Variants in POT1 observed in about 807,000 individuals in gnomAD.
POT1 encodes the protein protection of telomeres 1, also known as protection of telomeres protein 1.
POT1 carries 47 observed loss-of-function variants against 78.5 expected under a neutral mutation model. The observed-to-expected ratio is 0.60, with a 90% CI of 0.47 to 0.76. POT1 has a LOEUF of 0.76. POT1 is among the 30% of genes least tolerant of loss of function. The pLI is 0.00. For synonymous variants in POT1, 259 were observed against 260.7 expected (o/e 0.99, Z 0.06); for missense variants, 646 against 749.9 (o/e 0.86, Z 1.62).
chr7:124,835,843 G>A (rs1164436264), intron 14 of POT1, among the ~76,000 whole-genome samples: 2 of 152,116 alleles, frequency 1.3e-5, no homozygotes, highest in Non-Finnish European at 2.9e-5. Context: ...ATATAGATAT[G>A]AGTAGTTCAT....
At chr7:124,924,012 T>C (rs1363271066) in intron 2 of POT1, among the ~76,000 whole-genome samples, 1 of 151,120 alleles carries the variant, frequency 6.6e-6, no homozygotes, top group Non-Finnish European at 1.5e-5. Flanking sequence ...CGGGACTCAG[T>C]AGTGAAAAAA....
At chr7:124,922,033 G>A (rs1797162892) in intron 2 of POT1, among the ~76,000 whole-genome samples, 1 of 151,714 alleles carries the variant, frequency 6.6e-6, no homozygotes, top group African/African-American at 2.4e-5. Flanking sequence ...AAAACAGAAA[G>A]GTGGCAGGAA....
chr7:124,914,236 G>A (rs569156320), intron 3 of POT1, among the ~76,000 whole-genome samples: 36 of 151,684 alleles, frequency 2.4e-4, no homozygotes, highest in Admixed American at 5.3e-4. Flanking sequence ...TTTGATTACT[G>A]TAGCTCTGTG....
chr7:124,835,835 A>G (rs565823660), intron 14 of POT1, among the ~76,000 whole-genome samples: 1 of 152,354 alleles, frequency 6.6e-6, no homozygotes, highest in East Asian at 1.9e-4. Flanking sequence ...TCATTTAAAT[A>G]TAGATATGAG....
intron 2 of POT1, among the ~76,000 whole-genome samples, chr7:124,919,670 C>CGA (rs1797100554): frequency 1.3e-5 from 2 of 152,210 alleles, no homozygotes; most frequent in East Asian, 3.9e-4. Context: ...CATCTGCAAG[C>CGA]CAAGGAGAGA....
intron 3 of POT1, among the ~76,000 whole-genome samples, chr7:124,911,994 T>C (rs908267247): frequency 6.6e-6 from 1 of 152,136 alleles, no homozygotes; most frequent in Non-Finnish European, 1.5e-5. Context: ...CATTCAATGT[T>C]ACTCAAGGGC....
chr7:124,832,343 T>C (rs1794787177), intron 15 of POT1, among the ~76,000 whole-genome samples: 1 of 152,102 alleles, frequency 6.6e-6, no homozygotes, highest in Non-Finnish European at 1.5e-5. Flanking sequence ...GTTGTGATGT[T>C]ACTTTTTTAA....
chr7:124,853,174 G>GA lies in POT1; in HGVS notation c.703-37dup, dbSNP rs748944165. ...GATCATTTGTTATTTAGAAAGTGGG[G>GA]AAAAATTAAAATACTTCTGATATTT... On this transcript the variant is annotated intron_variant, in intron 9 of 18. Transcript: ENST00000357628. 2.7e-6 allele frequency: 4 copies of GA among 1,463,732 alleles called. No individual in the cohort carries two copies. In the East Asian group the frequency reaches 9.2e-5, roughly 34 times the overall value. 90.7% of individuals were successfully genotyped at this position (1,463,732 alleles called of 1,614,324 possible). A position where few individuals can be genotyped will look rare whatever the true frequency, so the allele number is the denominator to read the frequency against.
At chr7:124,826,824 G>A (rs746292880) in intron 17 of POT1, among the ~76,000 whole-genome samples, 36 of 152,122 alleles carry the variant, frequency 2.4e-4, no homozygotes, top group Non-Finnish European at 1.3e-4. Flanking sequence ...AGCTGAGATC[G>A]TGCCACTGCA....
At chr7:124,863,942 G>A (rs1795660772) in intron 7 of POT1, among the ~76,000 whole-genome samples, 1 of 151,902 alleles carries the variant, frequency 6.6e-6, no homozygotes, top group Non-Finnish European at 1.5e-5. Flanking sequence ...ACATTTATTA[G>A]TTTTTTTATT....
chr7:124,852,947 C>T, intron 10 of POT1, 25 bp downstream of exon 10: 3 of 1,594,618 alleles, frequency 1.9e-6, no homozygotes, highest in Non-Finnish European at 2.6e-6. Flanking sequence ...ACCTTATTTA[C>T]ATTTTCTAAA....
intron 7 of POT1, among the ~76,000 whole-genome samples, chr7:124,865,902 A>G (rs567421879): frequency 3.3e-5 from 5 of 152,096 alleles, no homozygotes; most frequent in African/African-American, 1.2e-4. Flanking sequence ...GCTACCATGG[A>G]GTTGGTTTGG....
At chr7:124,861,078 T>A (rs1040749214) in intron 8 of POT1, among the ~76,000 whole-genome samples, 1 of 152,206 alleles carries the variant, frequency 6.6e-6, no homozygotes, top group African/African-American at 2.4e-5. Flanking sequence ...CGTGTGCATG[T>A]GTCTTTATAG....
In POT1 at chr7:124,858,957, C is replaced by T. The variant is rs770088165; in HGVS notation, c.702G>A (p.Lys234=). The stretch of plus-strand genomic sequence containing the variant: ...AACATTTTTTCCTACTATACATCAC[C>T]TTCAGAGATCTTGCCACATGAACAT... ...DNHVHVARSL[K]VGSFLRIYSL... is the part of the protein sequence containing the mutation. Residue 234 remains lysine (K), a splice_region_variant and synonymous_variant, in exon 9 of 19, where the codon AAG becomes AAA. Coordinates refer to ENST00000357628, the MANE Select transcript of POT1 (RefSeq NM_015450.3). 3 of 1,597,862 alleles carry T rather than the reference C, an allele frequency of 1.9e-6. No individual in the cohort carries two copies. In the African/African-American group the frequency reaches 4.0e-5, roughly 21 times the overall value.
At chr7:124,897,826 C>T (rs1027288435) in intron 4 of POT1, among the ~76,000 whole-genome samples, 2 of 151,652 alleles carry the variant, frequency 1.3e-5, no homozygotes, top group Non-Finnish European at 2.9e-5. Context: ...AGGCAGTTTT[C>T]AAGTGTGTGT....
At chr7:124,874,612 G>A (rs964576413) in intron 6 of POT1, among the ~76,000 whole-genome samples, 1 of 151,902 alleles carries the variant, frequency 6.6e-6, no homozygotes, top group Non-Finnish European at 1.5e-5. Context: ...GTGCTCTCCT[G>A]TAATCCCAGC....
chr7:124,875,254 A>G (rs909432972), intron 6 of POT1, among the ~76,000 whole-genome samples: 1 of 152,120 alleles, frequency 6.6e-6, no homozygotes, highest in East Asian at 1.9e-4. Flanking sequence ...CTTTTTTCCT[A>G]TATCTTGAAA....
intron 9 of POT1, among the ~76,000 whole-genome samples, chr7:124,858,332 C>T (rs1180972753): frequency 1.3e-5 from 2 of 152,080 alleles, no homozygotes; most frequent in Non-Finnish European, 2.9e-5. Context: ...TTCTTTACTA[C>T]AAAAAGTACT....
intron 9 of POT1, among the ~76,000 whole-genome samples, chr7:124,858,109 CCAGTT>C (rs1220825671): frequency 6.6e-6 from 1 of 152,158 alleles, no homozygotes; most frequent in Non-Finnish European, 1.5e-5. Flanking sequence ...CCTGTGCACT[CCAGTT>C]CCTGCCCGTG....
Sources: gnomAD v4.1 joint callset for allele counts (sites outside exome capture counted in the v4.1 genomes callset) on GRCh38, gnomAD v4.1.1 for gene constraint, MANE v1.5 for transcripts, NCBI Gene and HGNC (gene_info 2026-07-23, HGNC 2026-07-21) for gene names.